The following PCDHA2 variants were observed in gnomAD, a reference collection of about 807,000 sequenced individuals.
PCDHA2 encodes the protein protocadherin alpha 2.
PCDHA2 carries 58 observed loss-of-function variants against 66.0 expected under a neutral mutation model. The observed-to-expected ratio is 0.88, with a 90% CI of 0.71 to 1.09. PCDHA2 has a LOEUF of 1.09. PCDHA2 is among the 50% of genes least tolerant of loss of function. The pLI is 0.00. For synonymous variants in PCDHA2, 634 were observed against 554.0 expected (o/e 1.14, Z -2.03); for missense variants, 1,267 against 1,242.3 (o/e 1.02, Z -0.30).
intron 1 of PCDHA2, among the ~76,000 whole-genome samples, chr5:140,934,231 C>T (rs2089713851): frequency 6.6e-6 from 1 of 152,014 alleles, no homozygotes; most frequent in African/African-American, 2.4e-5. Context: ...AAGATTTGTA[C>T]TTAATTGTGG....
At chr5:140,882,675 G>A in intron 1 of PCDHA2, 1 of 1,614,218 alleles carries the variant, frequency 6.2e-7, no homozygotes, top group Non-Finnish European at 8.5e-7. Context: ...TTCCCTGAAA[G>A]CAAGAAACGA....
intron 1 of PCDHA2, among the ~76,000 whole-genome samples, chr5:140,903,298 A>G (rs1218115864): frequency 6.6e-6 from 1 of 152,170 alleles, no homozygotes; most frequent in Non-Finnish European, 1.5e-5. Context: ...TAGGAAATTT[A>G]GTATACAATA....
chr5:140,842,574 T>C, intron 1 of PCDHA2: 1 of 1,508,332 alleles, frequency 6.6e-7, no homozygotes, highest in East Asian at 2.3e-5. Context: ...CGCGAGAGAG[T>C]GTCGGCCTAT....
In PCDHA2 at chr5:141,010,432, C is replaced by T; in HGVS notation, c.*495C>T. On this transcript the variant is annotated 3_prime_UTR_variant, in exon 4 of 4. Coordinates refer to ENST00000526136, the MANE Select transcript of PCDHA2 (RefSeq NM_018905.3). The stretch of plus-strand genomic sequence containing the variant: ...AATTGGTACAAGGAAGGCAAGAAAA[C>T]AAAGACAAATAAACAGCGGAAGTTA... 1 of 1,056,970 alleles carries T rather than the reference C, an allele frequency of 9.5e-7. No individual in the cohort carries two copies. The highest frequency in any genetic ancestry group is 1.3e-6 in the Non-Finnish European group (1 of 756,282). 65.5% of individuals were successfully genotyped at this position (1,056,970 alleles called of 1,614,324 possible).
intron 1 of PCDHA2, chr5:140,823,440 G>C: frequency 6.2e-7 from 1 of 1,613,368 alleles, no homozygotes. Flanking sequence ...TGTTCGTGCT[G>C]GACGAGAACG....
At chr5:140,818,421 A>G (rs1363859481) in intron 1 of PCDHA2, among the ~76,000 whole-genome samples, 2 of 152,234 alleles carry the variant, frequency 1.3e-5, no homozygotes, top group Non-Finnish European at 2.9e-5. Context: ...TTTTAAAAAT[A>G]TATTTCTAAC....
At position 140,838,280 on chromosome 5, in the gene PCDHA2, A is replaced by ATTTTTT. The variant is rs34299325; in HGVS notation, c.2388+40938_2388+40943dup. On this transcript the variant is annotated intron_variant, in intron 1 of 3. Transcript: ENST00000526136. ...AGACGCCAACAACCAAGCCATGCTA[A>ATTTTTT]TTTTTTTTTTTTTTTGTATTTTTAG... is the stretch of plus-strand genomic sequence containing the variant. 3.0e-3 allele frequency among the ~76,000 whole-genome samples: 422 copies of ATTTTTT among 139,576 alleles called. 11 individuals are homozygous for ATTTTTT. Among genetic ancestry groups the ATTTTTT allele is most frequent in the African/African-American group, 0.011 (409 of 36,774 alleles). The allele number at this position is 139,576 out of a possible 152,430, so 91.6% of individuals were successfully genotyped here.
chr5:140,917,067 C>T (rs375970452), intron 1 of PCDHA2, among the ~76,000 whole-genome samples: 3 of 152,178 alleles, frequency 2.0e-5, no homozygotes, highest in African/African-American at 4.8e-5. Context: ...ACGACAGCAC[C>T]GAGTTTAATG....
chr5:140,885,138 T>C (rs1582817960), intron 1 of PCDHA2, among the ~76,000 whole-genome samples: 1 of 152,206 alleles, frequency 6.6e-6, no homozygotes, highest in Admixed American at 6.5e-5. Context: ...TTTCTTTTTT[T>C]AAACTGTTTT....
At chr5:140,928,252 G>T in intron 1 of PCDHA2, 1 of 1,614,208 alleles carries the variant, frequency 6.2e-7, no homozygotes, top group Non-Finnish European at 8.5e-7. Flanking sequence ...GGAACTTTTC[G>T]TTGCTGAAAA....
At chr5:140,965,538 A>G (rs1554227750) in intron 1 of PCDHA2, among the ~76,000 whole-genome samples, 1 of 151,958 alleles carries the variant, frequency 6.6e-6, no homozygotes, top group Non-Finnish European at 1.5e-5. Flanking sequence ...TGGAATCCAA[A>G]TTCCAGCCTG....
chr5:140,963,529 C>T (rs1332936829), intron 1 of PCDHA2, among the ~76,000 whole-genome samples: 1 of 152,176 alleles, frequency 6.6e-6, no homozygotes, highest in Non-Finnish European at 1.5e-5. Flanking sequence ...ACAGAAGTCC[C>T]ATTTACTTCA....
At position 141,011,045 on chromosome 5, in the gene PCDHA2, G is replaced by A. The variant is rs949707438; in HGVS notation, c.*1108G>A. 2 of 153,712 alleles carry A rather than the reference G, an allele frequency of 1.3e-5. No individual in the cohort carries two copies. Among genetic ancestry groups the A allele is most frequent in the African/African-American group, 4.8e-5 (2 of 41,422 alleles). The allele number at this position is 153,712 out of a possible 1,614,324, so 9.5% of individuals were successfully genotyped here. ...CAGCTTTACTCTTTCAGGTCACTCT[G>A]GGGCTGCCTCTTGCATGTATTACTA... On this transcript the variant is annotated 3_prime_UTR_variant, in exon 4 of 4. Coordinates refer to ENST00000526136, the MANE Select transcript of PCDHA2 (RefSeq NM_018905.3).
At position 140,877,386 on chromosome 5, in the gene PCDHA2, T is replaced by G. The variant is rs782310487; in HGVS notation, c.2388+80034T>G. 5 of 1,613,816 alleles carry G rather than the reference T, an allele frequency of 3.1e-6. No individual in the cohort carries two copies. In the African/African-American group the frequency reaches 6.7e-5, roughly 22 times the overall value. On this transcript the variant is annotated intron_variant, in intron 1 of 3. Coordinates refer to ENST00000526136, the MANE Select transcript of PCDHA2 (RefSeq NM_018905.3). ...AGATCAGCACGACACGCATCCTGGA[T>G]GAGGCGGACGCTCCGCGCCACCGCC... is the stretch of plus-strand genomic sequence containing the variant.
At chr5:140,824,144 T>C (rs2150132609) in intron 1 of PCDHA2, 6 of 1,611,910 alleles carry the variant, frequency 3.7e-6, no homozygotes, top group Non-Finnish European at 4.2e-6. Context: ...TTTCTAATAT[T>C]AACATCCATC....
At chr5:140,965,402 G>A (rs1554227671) in intron 1 of PCDHA2, among the ~76,000 whole-genome samples, 1 of 152,112 alleles carries the variant, frequency 6.6e-6, no homozygotes, top group Non-Finnish European at 1.5e-5. Context: ...AGTCTAAGGA[G>A]TCTTATATTT....
chr5:140,822,617 G>C (rs2150117818), intron 1 of PCDHA2: 14 of 1,610,588 alleles, frequency 8.7e-6, no homozygotes, highest in Non-Finnish European at 1.2e-5. Flanking sequence ...TATTTCTTTA[G>C]TAATCTTGTT....
intron 1 of PCDHA2, chr5:140,801,462 C>T (rs781900612): frequency 2.5e-6 from 4 of 1,614,008 alleles, no homozygotes; most frequent in South Asian, 2.2e-5. Flanking sequence ...TGTGAATTCT[C>T]GGATAGACCG....
intron 1 of PCDHA2, chr5:140,803,185 C>A (rs1554122631): frequency 6.2e-7 from 1 of 1,613,958 alleles, no homozygotes; most frequent in South Asian, 1.1e-5. Flanking sequence ...ACCGCCACGG[C>A]CACTGTGCTG....
Sources: allele counts gnomAD v4.1 joint callset (sites outside exome capture counted in the v4.1 genomes callset), GRCh38; gene constraint gnomAD v4.1.1; transcripts MANE v1.5; gene names NCBI Gene and HGNC (gene_info 2026-07-23, HGNC 2026-07-21).